TMEM237: variants seen among roughly 807,000 people sequenced by gnomAD.
The protein encoded by TMEM237 is amyotrophic lateral sclerosis 2 (juvenile) chromosome region, candidate 4.
TMEM237 carries 51 observed loss-of-function variants against 59.1 expected under a neutral mutation model. The ratio of observed to expected loss-of-function variants is 0.86; its 90% CI spans 0.69 to 1.09. The LOEUF is 1.09. TMEM237 is among the 50% of genes least tolerant of loss of function. TMEM237 has a pLI of 0.00. For synonymous variants in TMEM237, 140 were observed against 166.1 expected (o/e 0.84, Z 1.21); for missense variants, 475 against 478.3 (o/e 0.99, Z 0.06).
At chr2:201,639,129 G>T (rs745543477) in intron 3 of TMEM237, 84 bp from the exon 4 acceptor site, 3 of 1,271,340 alleles carry the variant, frequency 2.4e-6, no homozygotes, top group Admixed American at 2.3e-5. Flanking sequence ...TTTAAACAGG[G>T]AAGAATTCTC....
In TMEM237 at chr2:201,633,758, T is replaced by C. The variant is rs541619733; in HGVS notation, c.275-327A>G. On this transcript the variant is annotated intron_variant, in intron 5 of 12. Transcript: ENST00000409883. The stretch of plus-strand genomic sequence containing the variant: ...AATCATCACACTCACAATTATGGTT[T>C]ACTACAGCAAATGGATATAAAGCAA... Among the ~76,000 whole-genome samples the C allele has an allele frequency of 1.2e-4, 18 of 152,320 alleles. No homozygotes were observed. The East Asian group carries it at 2.5e-3, about 21-fold the overall frequency.
At position 201,635,762 on chromosome 2, in the gene TMEM237, TAA is replaced by T. The variant is rs11453635; in HGVS notation, c.274+984_274+985del. On this transcript the variant is annotated intron_variant, in intron 5 of 12. Coordinates refer to ENST00000409883, the MANE Select transcript of TMEM237 (RefSeq NM_001044385.3). This position sits in a 1 kb window ranked among gnomAD's most constrained non-coding sequence, Gnocchi z 4.5. ...GGGCTATAAGAGTGAAACTCCATCT[TAA>T]AAAAAAAAAAAAAGAGGCTCGAAGA... 2.8e-5 allele frequency among the ~76,000 whole-genome samples: 4 copies of T among 142,438 alleles called. No individual in the cohort carries two copies. The highest frequency in any genetic ancestry group is 6.9e-5 in the Admixed American group (1 of 14,414). 93.4% of individuals were successfully genotyped at this position (142,438 alleles called of 152,430 possible).
In TMEM237 at chr2:201,628,115, T is replaced by C. The variant is rs1957775481; in HGVS notation, c.904A>G (p.Asn302Asp). The C allele has an allele frequency of 1.2e-6, 2 of 1,607,830 alleles. No homozygotes were observed. Among genetic ancestry groups the C allele is most frequent in the South Asian group, 2.2e-5 (2 of 89,528 alleles). ...DFAKISVAIR[N>D]FLALDPTALA... ...GCTGTAGGATCCAGGGCCAAAAAAT[T>C]TCGGATTGCTACTGATATTTTAGCA... The change falls in exon 10 of 13, where the codon AAT (asparagine) becomes GAT (aspartate). Residue 302 changes from asparagine (N) to aspartate (D), a missense_variant. Asn to Asp is a conservative substitution (Grantham distance 23). Transcript: ENST00000409883.
At chr2:201,628,225 T>C (rs1422844323) in intron 9 of TMEM237, 76 bp from the exon 10 acceptor site, 1 of 1,037,904 alleles carries the variant, frequency 9.6e-7, no homozygotes, top group Non-Finnish European at 1.4e-6. Context: ...CTATAGTTTT[T>C]TCCTTCTCTA....
Position 201,624,150 on chromosome 2 carries a change from C to A in TMEM237, c.*105G>T. 1 of 725,278 alleles carries A rather than the reference C, an allele frequency of 1.4e-6. No individual in the cohort carries two copies. The highest frequency in any genetic ancestry group is 2.2e-6 in the Non-Finnish European group (1 of 463,886). The allele number at this position is 725,278 out of a possible 1,614,324, so 44.9% of individuals were successfully genotyped here. A position where few individuals can be genotyped will look rare whatever the true frequency, so the allele number is the denominator to read the frequency against. On this transcript the variant is annotated 3_prime_UTR_variant, in exon 13 of 13. Transcript: ENST00000409883. The stretch of plus-strand genomic sequence containing the variant: ...GAGAGATGTTTCAGTATTATATAAT[C>A]AAAAAATCTATTACAAATACACATG...
chr2:201,641,652 T>G (rs926439798), intron 1 of TMEM237, among the ~76,000 whole-genome samples: 18 of 107,662 alleles, frequency 1.7e-4, no homozygotes, highest in Admixed American at 4.8e-4. Context: ...GCATGTACGA[T>G]AAAATATATT....
chr2:201,623,857 A>G lies in TMEM237; in HGVS notation c.*398T>C, dbSNP rs1326520845. On this transcript the variant is annotated 3_prime_UTR_variant, in exon 13 of 13. Coordinates refer to ENST00000409883, the MANE Select transcript of TMEM237 (RefSeq NM_001044385.3). ...ATTCAGTAAGGGGAGGTCAAAAATG[A>G]AGGCTTTTTTCCCTTCTACCATATT... 1 of 154,570 alleles carries G rather than the reference A, an allele frequency of 6.5e-6. No homozygotes were observed. The highest frequency in any genetic ancestry group is 2.4e-5 in the African/African-American group (1 of 41,542). 9.6% of individuals were successfully genotyped at this position (154,570 alleles called of 1,614,324 possible).
At chr2:201,640,148 CAT>C (rs1687385547) in intron 3 of TMEM237, 111 bp downstream of exon 3, 5 of 832,184 alleles carry the variant, frequency 6.0e-6, no homozygotes, top group Non-Finnish European at 8.7e-6. Context: ...TTCACAAAAA[CAT>C]ATTGTAGAAT....
intron 8 of TMEM237, 32 bp from the exon 9 acceptor site, chr2:201,629,453 G>A (rs754727689): frequency 6.8e-7 from 1 of 1,476,354 alleles, no homozygotes. Flanking sequence ...TATTATACAT[G>A]AATTACTAAA....
chr2:201,633,538 A>C (rs1687225562), intron 5 of TMEM237, 107 bp from the exon 6 acceptor site: 1 of 882,576 alleles, frequency 1.1e-6, no homozygotes, highest in Non-Finnish European at 1.5e-6. Flanking sequence ...TAATTGGGCA[A>C]AAATGTTTTC....
Position 201,632,241 on chromosome 2 carries a change from G to A in TMEM237, c.396-33C>T, listed in dbSNP as rs369713710. On this transcript the variant is annotated intron_variant, in intron 6 of 12. Transcript: ENST00000409883. ...AAGGACGTATGTATGAAAAATAGAT[G>A]ATTATTGAATTTTTTACAGACTTAC... 2.6e-4 allele frequency: 411 copies of A among 1,608,250 alleles called. 1 individual carries two copies. The South Asian group carries it at 3.8e-3, about 15-fold the overall frequency.
rs1223129653 is a variant in TMEM237 at position 201,628,247 on chromosome 2, G to C, written c.870-98C>G. The C allele has an allele frequency of 4.0e-6, 3 of 741,842 alleles. No homozygotes were observed. In the African/African-American group the frequency reaches 5.3e-5, roughly 13 times the overall value. The allele number at this position is 741,842 out of a possible 1,614,324, so 46.0% of individuals were successfully genotyped here. ...TTTTTCCTTCTCTAGTCTAATGCTA[G>C]CACATATACTATTACTAGGTTTTAA... On this transcript the variant is annotated intron_variant, in intron 9 of 12. Transcript: ENST00000409883.
chr2:201,633,458 CA>C, intron 5 of TMEM237, 27 bp from the exon 6 acceptor site: 1 of 1,487,034 alleles, frequency 6.7e-7, no homozygotes. Flanking sequence ...TTTAACTTTT[CA>C]AATAACTAAA....
Position 201,643,293 on chromosome 2 carries a change from C to A in TMEM237, c.42+66G>T, listed in dbSNP as rs1380047101. 6.1e-6 allele frequency: 9 copies of A among 1,474,484 alleles called. No homozygotes were observed. The highest frequency in any genetic ancestry group is 6.5e-6 in the Non-Finnish European group (7 of 1,081,992). The allele number at this position is 1,474,484 out of a possible 1,614,324, so 91.3% of individuals were successfully genotyped here. On this transcript the variant is annotated intron_variant, in intron 1 of 12. Transcript: ENST00000409883. This position sits in a 1 kb window ranked among gnomAD's most constrained non-coding sequence, Gnocchi z 4.3. ...GTTGGCGCCCCCCCACACACACCCA[C>A]CCCCACTGCCAAGTGTAGCTGTTTA...
rs1957714586 is a variant in TMEM237, at chr2:201,622,215, G to T, written c.*2040C>A. 1 of 152,204 alleles carries T rather than the reference G, an allele frequency of 6.6e-6. No individual in the cohort carries two copies. Among genetic ancestry groups the T allele is most frequent in the African/African-American group, 2.4e-5 (1 of 41,460 alleles). 9.4% of individuals were successfully genotyped at this position (152,204 alleles called of 1,614,324 possible). A position where few individuals can be genotyped will look rare whatever the true frequency, so the allele number is the denominator to read the frequency against. On this transcript the variant is annotated 3_prime_UTR_variant, in exon 13 of 13. Transcript: ENST00000409883. ...ATCAATGTAGCCAGCTTTCCCAAGTGCATTCCACAGCAGCTCTAGCCTTCT... is the reference window on the plus strand; with the variant it reads ...ATCAATGTAGCCAGCTTTCCCAAGTTCATTCCACAGCAGCTCTAGCCTTCT...
chr2:201,636,070 G>C (rs991875092), intron 5 of TMEM237: 16 of 152,178 alleles, frequency 1.1e-4, no homozygotes, highest in African/African-American at 2.9e-4. Flanking sequence ...ATGGGTACCT[G>C]GTTCCTATTT....
chr2:201,642,549 T>C, intron 1 of TMEM237: 5 of 1,582,958 alleles, frequency 3.2e-6, no homozygotes, highest in Non-Finnish European at 4.3e-6. Context: ...TCCTCAAAAG[T>C]AGGACGGCTC....
intron 7 of TMEM237, 113 bp from the exon 8 acceptor site, chr2:201,629,965 T>C: frequency 7.3e-7 from 1 of 1,368,372 alleles, no homozygotes; most frequent in Non-Finnish European, 9.9e-7. Context: ...AATATTGCTG[T>C]TCTATCTGAA....
chr2:201,630,786 A>G (rs962308679), intron 7 of TMEM237, among the ~76,000 whole-genome samples: 2 of 152,202 alleles, frequency 1.3e-5, no homozygotes, highest in African/African-American at 4.8e-5. Context: ...ACCACAGTTC[A>G]AGTCCCAGTT....
Sources: gnomAD v4.1 joint callset for allele counts (sites outside exome capture counted in the v4.1 genomes callset) on GRCh38, gnomAD v4.1.1 for gene constraint, Gnocchi (gnomAD v3.1) non-coding constraint, MANE v1.5 for transcripts, NCBI Gene and HGNC (gene_info 2026-07-23, HGNC 2026-07-21) for gene names.